The following GSE1 variants were observed in gnomAD, a reference collection of about 807,000 sequenced individuals.
GSE1 encodes genetic suppressor element 1.
In GSE1, 32 loss-of-function variants were observed where a neutral mutation model predicts 112.6. The ratio of observed to expected loss-of-function variants is 0.28; its 90% confidence interval spans 0.21 to 0.38. The LOEUF is 0.38. Among genes scored for constraint, GSE1 ranks in the 10% least tolerant of loss-of-function variants. The pLI is 1.00. For synonymous variants in GSE1, 1,115 were observed against 735.6 expected (o/e 1.52, Z -8.35); for missense variants, 2,348 against 1,699.2 (o/e 1.38, Z -6.71).
chr16:85,451,199 C>T (rs1028535014), intron 2 of GSE1, among the ~76,000 whole-genome samples: 1 of 152,030 alleles, frequency 6.6e-6, no homozygotes, highest in African/African-American at 2.4e-5. Context: ...AAACCACCAC[C>T]ATAATTTACA....
At position 85,323,797 on chromosome 16, in the gene GSE1, T is replaced by C. The variant is rs567322288; in HGVS notation, c.2284-33666T>C. Among the ~76,000 whole-genome samples the C allele has an allele frequency of 9.5e-4, 145 of 152,246 alleles. 1 individual carries two copies. The highest frequency in any genetic ancestry group is 2.0e-3 in the Admixed American group (30 of 15,296). ...CCATTGCCACCCTAATGTGCTGCATTGTTGTTGAGTGAGGAGTTCCCCCTT... is the reference window on the plus strand; with the variant it reads ...CCATTGCCACCCTAATGTGCTGCATCGTTGTTGAGTGAGGAGTTCCCCCTT... On this transcript the variant is annotated intron_variant, in intron 1 of 2. Transcript: ENST00000637419.
At chr16:85,628,036 C>T (rs999944174) in intron 1 of GSE1, among the ~76,000 whole-genome samples, 5 of 152,160 alleles carry the variant, frequency 3.3e-5, no homozygotes, top group African/African-American at 1.2e-4. Context: ...CCTGGAGGGG[C>T]AGGAGGCACG....
intron 1 of GSE1, among the ~76,000 whole-genome samples, chr16:85,564,774 C>G (rs535791422): frequency 6.6e-6 from 1 of 152,276 alleles, no homozygotes; most frequent in East Asian, 1.9e-4. Context: ...GGAGCCTGTG[C>G]GGAAGGGGTA....
At chr16:85,551,794 C>A (rs779456767), upstream of GSE1, among the ~76,000 whole-genome samples, 1 of 152,228 alleles carries the variant, frequency 6.6e-6, no homozygotes, top group Non-Finnish European at 1.5e-5. Flanking sequence ...TGGCTAAAAG[C>A]AATTAGGGCT....
At chr16:85,535,692 A>G (rs1041125845) in intron 2 of GSE1, among the ~76,000 whole-genome samples, 1 of 152,172 alleles carries the variant, frequency 6.6e-6, no homozygotes, top group East Asian at 1.9e-4. Flanking sequence ...CTGGAGCTGC[A>G]TGTGTCAAGA....
chr16:85,503,171 G>T (rs952653220), intron 2 of GSE1, among the ~76,000 whole-genome samples: 1 of 152,260 alleles, frequency 6.6e-6, no homozygotes, highest in African/African-American at 2.4e-5. Flanking sequence ...GGCCAGAGTG[G>T]GTGGGAGCCA....
chr16:85,238,971 A>G (rs867434044), intron 1 of GSE1, among the ~76,000 whole-genome samples: 3 of 151,968 alleles, frequency 2.0e-5, no homozygotes, highest in African/African-American at 7.3e-5. Context: ...GTTCTTGCTC[A>G]CACTGGAGTG....
chr16:85,610,088 C>A (rs2047898711), upstream of GSE1, among the ~76,000 whole-genome samples: 1 of 152,200 alleles, frequency 6.6e-6, no homozygotes, highest in South Asian at 2.1e-4. Context: ...GGGCTGGGAG[C>A]CTGCCTTCCG....
chr16:85,656,327 TTTCC>T lies in GSE1; in HGVS notation c.990-15_990-12del, dbSNP rs1249592038. On this transcript the variant is annotated splice_polypyrimidine_tract_variant and intron_variant, in intron 6 of 15. Transcript: ENST00000253458. Reference sequence around the variant, plus strand: ...CCTGGTGCAGCAGAGCCCCCAACTCTTTCCATGTGCTGCAGGCTGCAGATGGACG... The same window carrying T: ...CCTGGTGCAGCAGAGCCCCCAACTCTATGTGCTGCAGGCTGCAGATGGACG... 1 of 1,609,978 alleles carries T rather than the reference TTTCC, an allele frequency of 6.2e-7. No individual in the cohort carries two copies. The highest frequency in any genetic ancestry group is 1.3e-5 in the African/African-American group (1 of 74,802).
chr16:85,540,904 C>T (rs185744444), intron 2 of GSE1, among the ~76,000 whole-genome samples: 209 of 152,084 alleles, frequency 1.4e-3, no homozygotes, highest in Non-Finnish European at 2.2e-3. Flanking sequence ...GAGACCCTGT[C>T]TCAAAAAAAA....
chr16:85,285,060 A>G (rs886106236), intron 1 of GSE1: 1 of 152,262 alleles, frequency 6.6e-6, no homozygotes, highest in East Asian at 1.9e-4. Flanking sequence ...GGCGATTTGC[A>G]TCGTTTCAAA....
intron 1 of GSE1, among the ~76,000 whole-genome samples, chr16:85,277,207 G>A (rs2144228520): frequency 6.6e-6 from 1 of 152,254 alleles, no homozygotes; most frequent in African/African-American, 2.4e-5. Flanking sequence ...GGCGGTGGGG[G>A]TGGGGCACTG....
intron 1 of GSE1, among the ~76,000 whole-genome samples, chr16:85,261,797 A>G (rs114046785): frequency 0.012 from 1,841 of 152,266 alleles, 37 homozygotes; most frequent in African/African-American, 0.04. Context: ...ACAGACAAGG[A>G]AGCTGAGGGG....
At chr16:85,221,579 C>T (rs921761747) in intron 1 of GSE1, among the ~76,000 whole-genome samples, 10 of 152,190 alleles carry the variant, frequency 6.6e-5, no homozygotes, top group Admixed American at 3.9e-4. Flanking sequence ...AGGCACCACC[C>T]GTCCAGCCCC....
chr16:85,185,619 G>C (rs1234258836), intron 1 of GSE1, among the ~76,000 whole-genome samples: 1 of 152,254 alleles, frequency 6.6e-6, no homozygotes. Flanking sequence ...ATATTGGCCA[G>C]ATCTTCCCAG....
chr16:85,422,546 A>T (rs2048873201), intron 2 of GSE1, among the ~76,000 whole-genome samples: 1 of 151,456 alleles, frequency 6.6e-6, no homozygotes, highest in African/African-American at 2.4e-5. Context: ...ACGTTCACGG[A>T]GCAGCCACTG....
At chr16:85,669,081 G>A (rs1369182363) in intron 14 of GSE1, among the ~76,000 whole-genome samples, 1 of 152,254 alleles carries the variant, frequency 6.6e-6, no homozygotes, top group Non-Finnish European at 1.5e-5. Context: ...ACGAAGTTGG[G>A]CGTTGCAGCA....
chr16:85,262,743 T>G (rs1907833028), intron 1 of GSE1, among the ~76,000 whole-genome samples: 1 of 152,228 alleles, frequency 6.6e-6, no homozygotes, highest in Non-Finnish European at 1.5e-5. Context: ...CAGCCCAGTT[T>G]CCTCATCCGA....
At position 85,509,603 on chromosome 16, in the gene GSE1, C is replaced by T. The variant is rs907144283; in HGVS notation, c.2465-124311C>T. ...CGGGTGCCTGATGACTGTGGAGTGA[C>T]GTTGAATGGAAAGGCCAGGAGGCTC... On this transcript the variant is annotated intron_variant, in intron 2 of 2. Coordinates refer to the GSE1 transcript ENST00000637419. 1.4e-4 allele frequency among the ~76,000 whole-genome samples: 21 copies of T among 152,308 alleles called. No individual in the cohort carries two copies. The East Asian group carries it at 1.5e-3, about 11-fold the overall frequency.
Sources: allele counts gnomAD v4.1 joint callset (sites outside exome capture counted in the v4.1 genomes callset), GRCh38; gene constraint gnomAD v4.1.1; transcripts MANE v1.5; gene names NCBI Gene and HGNC (gene_info 2026-07-23, HGNC 2026-07-21).